TWSG1: variants seen among roughly 807,000 people sequenced by gnomAD.
TWSG1 encodes the protein twisted gastrulation protein homolog 1.
A neutral mutation model predicts 23.0 loss-of-function variants in TWSG1; 15 were observed. That is an observed-to-expected ratio of 0.65 (90% CI 0.44 to 1.00). TWSG1 has a LOEUF of 1.00. Ranked by LOEUF, TWSG1 falls within the 50% of genes least tolerant of loss-of-function variation. TWSG1 has a pLI of 0.00. For missense variants in TWSG1, 242 were observed against 278.7 expected, an observed-to-expected ratio of 0.87 and a Z score of 0.94; for synonymous variants, 86 against 92.8, an observed-to-expected ratio of 0.93 and a Z score of 0.42.
intron 2 of TWSG1, among the ~76,000 whole-genome samples, chr18:9,348,238 G>C (rs1478092027): frequency 6.6e-6 from 1 of 152,214 alleles, no homozygotes; most frequent in East Asian, 1.9e-4. Flanking sequence ...GACATGAGTA[G>C]ATGGTCAGTA....
intron 3 of TWSG1, among the ~76,000 whole-genome samples, chr18:9,376,377 C>T (rs201320512): frequency 1.3e-5 from 2 of 152,234 alleles, no homozygotes; most frequent in East Asian, 3.9e-4. Context: ...TACTACTGGA[C>T]TTCAAGACTT....
intron 3 of TWSG1, among the ~76,000 whole-genome samples, chr18:9,388,968 TTTTG>T (rs201782469): frequency 0.041 from 6,177 of 152,054 alleles, 410 homozygotes; most frequent in African/African-American, 0.14. Context: ...TTTTTTGGCT[TTTTG>T]TTTGTTTGTT....
intron 3 of TWSG1, among the ~76,000 whole-genome samples, chr18:9,362,937 G>A (rs1040827016): frequency 6.6e-6 from 1 of 152,204 alleles, no homozygotes; most frequent in Non-Finnish European, 1.5e-5. Flanking sequence ...GGATAAAACT[G>A]AGATATTCCA....
At position 9,372,169 on chromosome 18, in the gene TWSG1, GTATATACAGTAGTTCCCC is replaced by G. The variant is rs1318087923; in HGVS notation, c.223+12099_223+12116del. ...ATGTATGTATATATATTATATATTT[GTATATACAGTAGTTCCCC>G]CTTATCGGTGGGAGATACATTCCAG... On this transcript the variant is annotated intron_variant, in intron 3 of 4. Coordinates refer to ENST00000262120, the MANE Select transcript of TWSG1 (RefSeq NM_020648.6). Among the ~76,000 whole-genome samples the G allele has an allele frequency of 2.0e-5, 3 of 151,306 alleles. No homozygotes were observed. The East Asian group carries it at 5.8e-4, about 29-fold the overall frequency.
chr18:9,354,621 G>A (rs550031629), intron 2 of TWSG1, among the ~76,000 whole-genome samples: 1 of 152,278 alleles, frequency 6.6e-6, no homozygotes, highest in East Asian at 1.9e-4. Context: ...GGTGTGGAAA[G>A]GATTAAGAAT....
At chr18:9,350,404 C>T (rs1036328939) in intron 2 of TWSG1, among the ~76,000 whole-genome samples, 18 of 152,156 alleles carry the variant, frequency 1.2e-4, no homozygotes, top group African/African-American at 4.1e-4. Context: ...GACACACGGA[C>T]ATTTTCAAAC....
intron 3 of TWSG1, among the ~76,000 whole-genome samples, chr18:9,394,260 A>T (rs980016848): frequency 3.3e-5 from 5 of 152,224 alleles, no homozygotes; most frequent in Non-Finnish European, 5.9e-5. Context: ...GCCAACATAG[A>T]TGGAACTGGA....
At chr18:9,394,688 T>C (rs1318290320) in intron 3 of TWSG1, among the ~76,000 whole-genome samples, 1 of 151,918 alleles carries the variant, frequency 6.6e-6, no homozygotes, top group African/African-American at 2.4e-5. Context: ...AATTATTATG[T>C]CAATTTACAA....
chr18:9,339,196 C>A (rs1216991652), intron 2 of TWSG1, among the ~76,000 whole-genome samples: 1 of 128,530 alleles, frequency 7.8e-6, no homozygotes, highest in African/African-American at 3.3e-5. Context: ...CAGAGCAAGA[C>A]CCTGTCTCAA....
chr18:9,344,858 C>T (rs2040469395), intron 2 of TWSG1, among the ~76,000 whole-genome samples: 1 of 152,116 alleles, frequency 6.6e-6, no homozygotes, highest in African/African-American at 2.4e-5. Flanking sequence ...CACGATCCTC[C>T]TGCCTCAGCC....
chr18:9,390,192 G>A (rs1303282316), intron 3 of TWSG1, among the ~76,000 whole-genome samples: 7 of 151,128 alleles, frequency 4.6e-5, no homozygotes, highest in Non-Finnish European at 1.0e-4. Context: ...ATGGAGTCTC[G>A]CTCTGTCGCC....
chr18:9,402,329 G>A lies in TWSG1; in HGVS notation c.*2802G>A, dbSNP rs1429389276. On this transcript the variant is annotated 3_prime_UTR_variant, in exon 5 of 5. Coordinates refer to ENST00000262120, the MANE Select transcript of TWSG1 (RefSeq NM_020648.6). Reference sequence around the variant, plus strand: ...GCATTCCCAAGAGTTTATGTTTATTGTATTTTATATGATCTACAACATATA... The same window carrying A: ...GCATTCCCAAGAGTTTATGTTTATTATATTTTATATGATCTACAACATATA... 2.0e-5 allele frequency: 3 copies of A among 151,934 alleles called. No individual in the cohort carries two copies. The highest frequency in any genetic ancestry group is 7.3e-5 in the African/African-American group (3 of 41,360). 9.4% of individuals were successfully genotyped at this position (151,934 alleles called of 1,614,324 possible). A position where few individuals can be genotyped will look rare whatever the true frequency, so the allele number is the denominator to read the frequency against.
At chr18:9,357,030 T>G (rs972005750) in intron 2 of TWSG1, among the ~76,000 whole-genome samples, 6 of 150,138 alleles carry the variant, frequency 4.0e-5, no homozygotes, top group Non-Finnish European at 7.4e-5. Context: ...TTCTAAAAAG[T>G]GCGTACTCAG....
At chr18:9,349,236 G>T (rs80271459) in intron 2 of TWSG1, among the ~76,000 whole-genome samples, 4,120 of 152,076 alleles carry the variant, frequency 0.027, 172 homozygotes, top group African/African-American at 0.096. Flanking sequence ...TTAAAATTTG[G>T]ATCAATATTA....
At chr18:9,371,814 T>C (rs1174018987) in intron 3 of TWSG1, among the ~76,000 whole-genome samples, 3 of 142,940 alleles carry the variant, frequency 2.1e-5, no homozygotes, top group Non-Finnish European at 4.5e-5. Context: ...CACTGTCGCC[T>C]GGGCTGGAGT....
Position 9,396,541 on chromosome 18 carries a change from A to G in TWSG1, c.485A>G (p.Asp162Gly), listed in dbSNP as rs752420871. 26 of 1,610,438 alleles carry G rather than the reference A, an allele frequency of 1.6e-5. 1 individual carries two copies. The South Asian group carries it at 2.9e-4, about 18-fold the overall frequency. The change falls in exon 4 of 5, where the codon GAC (aspartate) becomes GGC (glycine). Residue 162 changes from aspartate to glycine, a missense_variant. Transcript: ENST00000262120. ...SNNVHAPYSS[D>G]KEHMCTVVYF... ...AATGTTCACGCGCCTTATTCCAGTG[A>G]CAAAGGTAACTGCCAACAGTTGACT...
chr18:9,376,768 G>A (rs916747639), intron 3 of TWSG1, among the ~76,000 whole-genome samples: 1 of 150,052 alleles, frequency 6.7e-6, no homozygotes, highest in Admixed American at 6.7e-5. Flanking sequence ...AGAGGTGGAG[G>A]TTGCAGTGAG....
intron 3 of TWSG1, among the ~76,000 whole-genome samples, chr18:9,378,803 T>C (rs1274755886): frequency 1.3e-5 from 2 of 149,542 alleles, no homozygotes; most frequent in African/African-American, 5.0e-5. Context: ...AAATACCATC[T>C]CTACAAAAAA....
chr18:9,363,036 C>T (rs1489424996), intron 3 of TWSG1, among the ~76,000 whole-genome samples: 3 of 152,308 alleles, frequency 2.0e-5, no homozygotes, highest in East Asian at 1.9e-4. Context: ...TGCCGCTGCT[C>T]CTCCTTCCTA....
Sources: gnomAD v4.1 joint callset for allele counts (sites outside exome capture counted in the v4.1 genomes callset) on GRCh38, gnomAD v4.1.1 for gene constraint, MANE v1.5 for transcripts, NCBI Gene and HGNC (gene_info 2026-07-23, HGNC 2026-07-21) for gene names.